NAT1: variants seen among roughly 807,000 people sequenced by gnomAD.
The protein encoded by NAT1 is N-acetyltransferase 1.
For synonymous variants in NAT1, 144 were observed against 122.6 expected (o/e 1.17, Z -1.16); for missense variants, 400 against 339.2 (o/e 1.18, Z -1.41).
At chr8:18,185,019 G>A (rs1298099411) in intron 2 of NAT1, among the ~76,000 whole-genome samples, 2 of 152,058 alleles carry the variant, frequency 1.3e-5, no homozygotes, top group Non-Finnish European at 2.9e-5. Context: ...TCTAAACATT[G>A]GTTAAACAAA....
At chr8:18,170,896 T>TTTTTTTCTTTC (rs1802073630) in intron 2 of NAT1, among the ~76,000 whole-genome samples, 1 of 51,728 alleles carries the variant, frequency 1.9e-5, no homozygotes, top group Non-Finnish European at 5.6e-5. Context: ...TCTCTCTCCT[T>TTTTTTTCTTTC]TTTTTTTTCT....
intron 2 of NAT1, among the ~76,000 whole-genome samples, chr8:18,195,555 T>C (rs188862276): frequency 1.1e-3 from 175 of 152,298 alleles, no homozygotes; most frequent in African/African-American, 4.1e-3. Context: ...TGCTTTCAAA[T>C]AATATGTGTA....
rs1805446323 is a variant in NAT1 at position 18,222,584 on chromosome 8, TCTC to T, written c.540_542del (p.Leu181del). 1 of 1,613,932 alleles carries T rather than the reference TCTC, an allele frequency of 6.2e-7. No homozygotes were observed. Among genetic ancestry groups the T allele is most frequent in the Admixed American group, 1.7e-5 (1 of 59,984 alleles). On this transcript the variant is annotated inframe_deletion, in exon 3 of 3. Transcript: ENST00000307719. ...CAAATGAAGAATTTCTTCATTCTGA[TCTC>T]CTAGAAGACAGCAAATACCGAAAAA...
At chr8:18,180,624 T>C (rs1344678250) in intron 2 of NAT1, among the ~76,000 whole-genome samples, 1 of 152,182 alleles carries the variant, frequency 6.6e-6, no homozygotes, top group East Asian at 1.9e-4. Context: ...TAAGATATGA[T>C]ATAGTACAAA....
chr8:18,189,448 G>C (rs1589068387), intron 2 of NAT1, among the ~76,000 whole-genome samples: 1 of 152,076 alleles, frequency 6.6e-6, no homozygotes, highest in East Asian at 1.9e-4. Flanking sequence ...TAACAGTGTA[G>C]TTTGAAAAAG....
chr8:18,203,047 G>C (rs898981486), intron 2 of NAT1, among the ~76,000 whole-genome samples: 2 of 152,142 alleles, frequency 1.3e-5, no homozygotes, highest in Non-Finnish European at 2.9e-5. Flanking sequence ...GTGCTGATTG[G>C]TGCATTTACA....
In NAT1 at chr8:18,219,421, A is replaced by G; in HGVS notation, c.-75A>G. 1 of 1,548,368 alleles carries G rather than the reference A, an allele frequency of 6.5e-7. No individual in the cohort carries two copies. The highest frequency in any genetic ancestry group is 8.7e-7 in the Non-Finnish European group (1 of 1,145,436). ...TTCTCTTATTTCTAGAATTCAAGCCAGGAAGAAGCAGCAATCTGTCTTCTG... is the reference window on the plus strand; with the variant it reads ...TTCTCTTATTTCTAGAATTCAAGCCGGGAAGAAGCAGCAATCTGTCTTCTG... On this transcript the variant is annotated 5_prime_UTR_variant, in exon 2 of 3. Coordinates refer to ENST00000307719, the MANE Select transcript of NAT1 (RefSeq NM_000662.8).
At chr8:18,205,591 C>G (rs1341834933), upstream of NAT1, among the ~76,000 whole-genome samples, 1 of 152,136 alleles carries the variant, frequency 6.6e-6, no homozygotes, top group Non-Finnish European at 1.5e-5. Context: ...ACTCCCGCCA[C>G]AGCAGTGGCA....
upstream of NAT1, among the ~76,000 whole-genome samples, chr8:18,206,513 A>G (rs1803729477): frequency 6.6e-6 from 1 of 152,228 alleles, no homozygotes; most frequent in African/African-American, 2.4e-5. Flanking sequence ...TGCCATTTCT[A>G]TTGAATACAG....
At chr8:18,190,765 T>C (rs758747281) in intron 2 of NAT1, among the ~76,000 whole-genome samples, 6 of 151,972 alleles carry the variant, frequency 3.9e-5, no homozygotes, top group Non-Finnish European at 8.8e-5. Flanking sequence ...TAAGTAAATA[T>C]ATAGATAGGT....
At chr8:18,190,187 G>C (rs1163313806) in intron 2 of NAT1, among the ~76,000 whole-genome samples, 2 of 152,316 alleles carry the variant, frequency 1.3e-5, no homozygotes, top group East Asian at 1.9e-4. Context: ...ATTATACATA[G>C]AACAAAATGG....
intron 2 of NAT1, among the ~76,000 whole-genome samples, chr8:18,220,780 C>CTCACCAGTAG (rs1554477251): frequency 6.6e-6 from 1 of 152,162 alleles, no homozygotes; most frequent in Non-Finnish European, 1.5e-5. Context: ...CCAGCTTCTA[C>CTCACCAGTAG]CTTGTAGCAG....
At chr8:18,196,808 A>G (rs1329035002) in intron 2 of NAT1, among the ~76,000 whole-genome samples, 1 of 152,210 alleles carries the variant, frequency 6.6e-6, no homozygotes, top group East Asian at 1.9e-4. Context: ...GATATTTTAG[A>G]ACTACAGAAA....
intron 2 of NAT1, among the ~76,000 whole-genome samples, chr8:18,173,294 C>T (rs558000377): frequency 2.0e-5 from 3 of 152,300 alleles, no homozygotes; most frequent in East Asian, 1.9e-4. Flanking sequence ...CAGGGTGTCT[C>T]GTTCCTCGAA....
chr8:18,181,877 C>A (rs1802536818), intron 2 of NAT1, among the ~76,000 whole-genome samples: 1 of 152,134 alleles, frequency 6.6e-6, no homozygotes, highest in Non-Finnish European at 1.5e-5. Context: ...GCAGTGGATT[C>A]TCCTCTGTCC....
At chr8:18,200,798 T>C (rs555347423) in intron 2 of NAT1, 2 of 152,044 alleles carry the variant, frequency 1.3e-5, no homozygotes, top group Non-Finnish European at 2.9e-5. Flanking sequence ...GGAGGAAGGA[T>C]GGGATCCAGC....
intron 2 of NAT1, among the ~76,000 whole-genome samples, chr8:18,191,754 A>C (rs2117259019): frequency 6.6e-6 from 1 of 152,278 alleles, no homozygotes; most frequent in Middle Eastern, 3.4e-3. Flanking sequence ...TTCCCTATTT[A>C]ATAAATGGTG....
chr8:18,183,701 CTATT>C (rs1338427660), intron 2 of NAT1, among the ~76,000 whole-genome samples: 2 of 152,126 alleles, frequency 1.3e-5, no homozygotes, highest in South Asian at 2.1e-4. Context: ...TGAAATCAAA[CTATT>C]TATTTATATG....
In NAT1 at chr8:18,195,699, G is replaced by T. The variant is rs1281419442; in HGVS notation, n.93-14082G>T. 2.0e-5 allele frequency among the ~76,000 whole-genome samples: 3 copies of T among 152,070 alleles called. No individual in the cohort carries two copies. The East Asian group carries it at 5.8e-4, about 29-fold the overall frequency. On this transcript the variant is annotated intron_variant and non_coding_transcript_variant, in intron 2 of 4. Transcript: ENST00000517441. ...GCACCACACGATCCCACTACTAAGAGTTAGGGTCTAAAATAGTGTGGTCTG... is the reference window on the plus strand; with the variant it reads ...GCACCACACGATCCCACTACTAAGATTTAGGGTCTAAAATAGTGTGGTCTG...
Sources: allele counts gnomAD v4.1 joint callset (sites outside exome capture counted in the v4.1 genomes callset), GRCh38; gene constraint gnomAD v4.1.1; transcripts MANE v1.5; gene names NCBI Gene and HGNC (gene_info 2026-07-23, HGNC 2026-07-21).